VGLL4: variants seen among roughly 807,000 people sequenced by gnomAD.
VGLL4 encodes the protein transcription cofactor vestigial-like protein 4.
VGLL4 carries 7 observed loss-of-function variants against 21.0 expected under a neutral mutation model. The observed-to-expected ratio is 0.33, with a 90% CI of 0.19 to 0.63. VGLL4 has a LOEUF of 0.63. VGLL4 is among the 20% of genes least tolerant of loss of function. The pLI, the probability that VGLL4 is intolerant of heterozygous loss-of-function variation, is 0.78. For synonymous variants in VGLL4, 222 were observed against 173.2 expected (o/e 1.28, Z -2.21); for missense variants, 394 against 425.7 (o/e 0.93, Z 0.66).
intron 2 of VGLL4, chr3:11,693,189 T>C (rs1490609430): frequency 1.1e-5 from 2 of 181,166 alleles, no homozygotes; most frequent in South Asian, 8.5e-5. Flanking sequence ...AAAAAGTAAA[T>C]GAAAATGTTT....
intron 2 of VGLL4, among the ~76,000 whole-genome samples, chr3:11,678,145 C>T (rs1172846346): frequency 6.6e-6 from 1 of 152,084 alleles, no homozygotes; most frequent in African/African-American, 2.4e-5. Context: ...CCTCCCACCT[C>T]CTGGGTTCAA....
intron 4 of VGLL4, 28 bp from the exon 5 acceptor site, chr3:11,558,855 C>A (rs1269387799): frequency 1.9e-6 from 3 of 1,606,490 alleles, no homozygotes; most frequent in Non-Finnish European, 2.6e-6. Context: ...GGCAGGCAGT[C>A]AGACACAGGT....
chr3:11,563,425 C>G (rs1353970831), intron 3 of VGLL4, among the ~76,000 whole-genome samples: 1 of 152,260 alleles, frequency 6.6e-6, no homozygotes, highest in Non-Finnish European at 1.5e-5. Flanking sequence ...GTGGGTCGCA[C>G]TGCGCACACG....
chr3:11,643,684 C>G lies in VGLL4; in HGVS notation c.-166G>C. On this transcript the variant is annotated 5_prime_UTR_variant, in exon 1 of 5. Transcript: ENST00000430365. Reference sequence around the variant, plus strand: ...ATGCAAAAGTTAAAAAAAAAAAAATCAGGCACAAAAAAATCGAGCTCACAC... The same window carrying G: ...ATGCAAAAGTTAAAAAAAAAAAAATGAGGCACAAAAAAATCGAGCTCACAC... 1 of 1,401,914 alleles carries G rather than the reference C, an allele frequency of 7.1e-7. No individual in the cohort carries two copies. Among genetic ancestry groups the G allele is most frequent in the Non-Finnish European group, 9.3e-7 (1 of 1,079,246 alleles). The allele number at this position is 1,401,914 out of a possible 1,614,324, so 86.8% of individuals were successfully genotyped here.
intron 2 of VGLL4, among the ~76,000 whole-genome samples, chr3:11,570,294 G>A (rs2596814): frequency 0.25 from 37,288 of 151,644 alleles, 4,608 homozygotes; most frequent in East Asian, 0.4. Flanking sequence ...AGGCCTTTCC[G>A]ACCCACCAGC....
chr3:11,566,127 C>T (rs747863303), intron 2 of VGLL4, among the ~76,000 whole-genome samples: 4 of 152,208 alleles, frequency 2.6e-5, no homozygotes, highest in African/African-American at 7.2e-5. Flanking sequence ...GCCCCCGTCC[C>T]GGACTGGCTG....
intron 2 of VGLL4, among the ~76,000 whole-genome samples, chr3:11,658,559 T>C (rs979556310): frequency 6.6e-6 from 1 of 151,686 alleles, no homozygotes; most frequent in Non-Finnish European, 1.5e-5. Flanking sequence ...TTTAATATCA[T>C]GATTAATTAA....
intron 1 of VGLL4, among the ~76,000 whole-genome samples, chr3:11,626,075 TCTTAA>T (rs1471667419): frequency 2.6e-5 from 4 of 152,210 alleles, no homozygotes; most frequent in Non-Finnish European, 4.4e-5. Flanking sequence ...CTGTTAAAAA[TCTTAA>T]CTTAAAGAAA....
rs1293669877 is a variant in VGLL4, at chr3:11,694,742, G to A, written c.64+8229C>T. On this transcript the variant is annotated intron_variant, in intron 2 of 5. Transcript: ENST00000273038. ...TGAAAAATTTTACAAGAGTTTGCAA[G>A]ATGAAAGTGGAGGGGAAATTGCATT... 3.3e-5 allele frequency among the ~76,000 whole-genome samples: 5 copies of A among 152,288 alleles called. No individual in the cohort carries two copies. In the Middle Eastern group the frequency reaches 0.01, roughly 313 times the overall value.
At chr3:11,591,675 C>T (rs1444306445) in intron 2 of VGLL4, among the ~76,000 whole-genome samples, 3 of 152,224 alleles carry the variant, frequency 2.0e-5, no homozygotes, top group Non-Finnish European at 4.4e-5. Flanking sequence ...GGCCTGTGAC[C>T]TTTACTTAAA....
At position 11,565,429 on chromosome 3, in the gene VGLL4, G is replaced by C. The variant is rs1171293834; in HGVS notation, c.273-410C>G. Among the ~76,000 whole-genome samples, 1 of 152,146 alleles carries C rather than the reference G, an allele frequency of 6.6e-6. No individual in the cohort carries two copies. Among genetic ancestry groups the C allele is most frequent in the African/African-American group, 2.4e-5 (1 of 41,446 alleles). On this transcript the variant is annotated intron_variant, in intron 2 of 4. Transcript: ENST00000430365. The surrounding 1 kb of genome is among the most constrained non-coding windows in gnomAD (Gnocchi z 4.1). ...TCACTGGCTGCGTCCTACATGCAGG[G>C]CCCTATTCAAAGCCTCCACAGCACT...
At chr3:11,566,387 C>T (rs1025891412) in intron 2 of VGLL4, among the ~76,000 whole-genome samples, 9 of 152,190 alleles carry the variant, frequency 5.9e-5, no homozygotes, top group East Asian at 1.9e-4. Context: ...ACCAGGATAT[C>T]GACAATGAGA....
At chr3:11,671,454 C>T (rs1315998921) in intron 2 of VGLL4, 14 of 729,312 alleles carry the variant, frequency 1.9e-5, no homozygotes, top group South Asian at 1.0e-4. Context: ...CAGTATTCGC[C>T]GGGGATTGGT....
At chr3:11,563,648 T>C (rs949626680) in intron 3 of VGLL4, among the ~76,000 whole-genome samples, 2 of 152,320 alleles carry the variant, frequency 1.3e-5, no homozygotes, top group African/African-American at 2.4e-5. Flanking sequence ...TCGGGTTCCA[T>C]CAGACACATC....
chr3:11,652,905 A>T (rs1354716291), intron 2 of VGLL4, among the ~76,000 whole-genome samples: 3 of 152,206 alleles, frequency 2.0e-5, no homozygotes, highest in African/African-American at 7.2e-5. Flanking sequence ...CGCTACTACA[A>T]CCAATTTAGG....
chr3:11,678,589 A>G (rs1436045337), intron 2 of VGLL4, among the ~76,000 whole-genome samples: 3 of 152,196 alleles, frequency 2.0e-5, no homozygotes, highest in African/African-American at 7.2e-5. Flanking sequence ...GTCATTCATT[A>G]TAATATTCTC....
In VGLL4 at chr3:11,604,387, C is replaced by A; in HGVS notation, c.83-2365G>T. ...ACCCATGGCCTCTGCAATCAGACAA[C>A]GCCTCATCCTAAGACTGTGCAGCCT... On this transcript the variant is annotated intron_variant, in intron 1 of 4. Coordinates refer to ENST00000430365, the MANE Select transcript of VGLL4 (RefSeq NM_001128219.3). 11 of 956,924 alleles carry A rather than the reference C, an allele frequency of 1.1e-5. 3 individuals carry two copies. The highest frequency in any genetic ancestry group is 1.4e-5 in the Non-Finnish European group (11 of 810,356). The allele number at this position is 956,924 out of a possible 1,614,324, so 59.3% of individuals were successfully genotyped here.
chr3:11,708,330 A>G (rs2076790373), intron 1 of VGLL4, among the ~76,000 whole-genome samples: 1 of 152,252 alleles, frequency 6.6e-6, no homozygotes, highest in South Asian at 2.1e-4. Flanking sequence ...GCTGAAGAGA[A>G]GAATGGAAGT....
Position 11,651,526 on chromosome 3 carries a change from T to G in VGLL4, c.65-49504A>C, listed in dbSNP as rs532315913. ...CCCCACCAAGAACCATTAGCTAGGA[T>G]TAATCTCTTCATCCTGCATTATTTT... On this transcript the variant is annotated intron_variant, in intron 2 of 5. Coordinates refer to the VGLL4 transcript ENST00000273038. Among the ~76,000 whole-genome samples the G allele has an allele frequency of 2.1e-4, 31 of 150,046 alleles. 1 individual carries two copies. The East Asian group carries it at 5.9e-3, about 29-fold the overall frequency.
Sources: gnomAD v4.1 joint callset for allele counts (sites outside exome capture counted in the v4.1 genomes callset) on GRCh38, gnomAD v4.1.1 for gene constraint, Gnocchi (gnomAD v3.1) non-coding constraint, MANE v1.5 for transcripts, NCBI Gene and HGNC (gene_info 2026-07-23, HGNC 2026-07-21) for gene names.